AP2B1: variants seen among roughly 807,000 people sequenced by gnomAD.
AP2B1 encodes AP-2 complex subunit beta.
Under a neutral mutation model 102.0 loss-of-function variants are expected in AP2B1, and 23 were observed. That is an observed-to-expected ratio of 0.23 (90% CI 0.16 to 0.32). AP2B1 has a LOEUF of 0.32. AP2B1 is among the 10% of genes least tolerant of loss of function. AP2B1 has a pLI of 1.00. For missense variants in AP2B1, 541 were observed against 1,157.4 expected (o/e 0.47, Z 7.73); for synonymous variants, 381 against 421.2 (o/e 0.90, Z 1.17).
chr17:35,647,629 C>A (rs930112779), intron 12 of AP2B1, among the ~76,000 whole-genome samples: 4 of 151,996 alleles, frequency 2.6e-5, no homozygotes, highest in African/African-American at 9.7e-5. Context: ...TTGCAATGTT[C>A]TATATGCTTT....
intron 18 of AP2B1, among the ~76,000 whole-genome samples, chr17:35,708,657 CTG>C (rs1555585980): frequency 1.3e-5 from 2 of 151,982 alleles, no homozygotes; most frequent in Non-Finnish European, 1.5e-5. Context: ...AACTTTAAAA[CTG>C]ATATTTAAAA....
At chr17:35,606,129 G>A (rs1218347253) in intron 4 of AP2B1, among the ~76,000 whole-genome samples, 2 of 152,112 alleles carry the variant, frequency 1.3e-5, no homozygotes, top group Non-Finnish European at 1.5e-5. Flanking sequence ...ATCAGTAATT[G>A]GGGGCTTTAC....
chr17:35,703,028 T>A (rs984972564), intron 18 of AP2B1, among the ~76,000 whole-genome samples: 1 of 151,364 alleles, frequency 6.6e-6, no homozygotes, highest in Non-Finnish European at 1.5e-5. Context: ...ATCCCAGCAC[T>A]TTGGGAGGCC....
At chr17:35,670,020 A>G (rs1285467265) in intron 14 of AP2B1, among the ~76,000 whole-genome samples, 2 of 152,330 alleles carry the variant, frequency 1.3e-5, no homozygotes, top group Admixed American at 6.5e-5. Flanking sequence ...TGTTTTTGTC[A>G]AGGAAGACCG....
At chr17:35,708,259 C>A (rs1489500021) in intron 18 of AP2B1, among the ~76,000 whole-genome samples, 1 of 152,118 alleles carries the variant, frequency 6.6e-6, no homozygotes, top group Non-Finnish European at 1.5e-5. Flanking sequence ...GCGCTAAGAG[C>A]ATAGATAGGA....
At chr17:35,660,061 A>G (rs2075323189) in intron 14 of AP2B1, 1 of 985,218 alleles carries the variant, frequency 1.0e-6, no homozygotes, top group African/African-American at 1.7e-5. Flanking sequence ...CATTTTTTGA[A>G]TGCATCCTTG....
chr17:35,696,112 T>C (rs2076136910), intron 18 of AP2B1, among the ~76,000 whole-genome samples: 1 of 152,162 alleles, frequency 6.6e-6, no homozygotes, highest in African/African-American at 2.4e-5. Flanking sequence ...CCCTCCCTCC[T>C]TTCCTCATTA....
rs534898332 is a variant in AP2B1, at chr17:35,664,704, A to G, written c.1990-6153A>G. On this transcript the variant is annotated intron_variant, in intron 14 of 21. Transcript: ENST00000610402. ...AGGCTCTATTCTGTGTACTAGGCAT[A>G]TAGAATGGTCCTTGCAACCTTACGA... 3.9e-5 allele frequency among the ~76,000 whole-genome samples: 6 copies of G among 152,352 alleles called. No homozygotes were observed. In the East Asian group the frequency reaches 9.6e-4, roughly 24 times the overall value.
chr17:35,644,075 T>A (rs979797893), intron 12 of AP2B1, among the ~76,000 whole-genome samples: 2 of 152,166 alleles, frequency 1.3e-5, no homozygotes, highest in African/African-American at 4.8e-5. Flanking sequence ...GGCTAGAAAC[T>A]CACTTAATCC....
intron 17 of AP2B1, among the ~76,000 whole-genome samples, chr17:35,675,924 C>T (rs993386740): frequency 2.0e-5 from 3 of 152,120 alleles, no homozygotes; most frequent in African/African-American, 7.2e-5. Flanking sequence ...TTTACTTTGT[C>T]TGAACAGGGT....
intron 18 of AP2B1, among the ~76,000 whole-genome samples, chr17:35,701,239 G>A (rs2076233600): frequency 6.6e-6 from 1 of 152,078 alleles, no homozygotes; most frequent in South Asian, 2.1e-4. Flanking sequence ...GATGCACTGT[G>A]ATATTTTTCA....
chr17:35,682,334 CTT>C (rs587645888), intron 17 of AP2B1, among the ~76,000 whole-genome samples: 160 of 72,048 alleles, frequency 2.2e-3, no homozygotes, highest in African/African-American at 8.5e-3. Flanking sequence ...AATCCTGCCT[CTT>C]TTTTTTTTTT....
intron 17 of AP2B1, 136 bp downstream of exon 17, chr17:35,674,457 A>T: frequency 9.1e-7 from 1 of 1,095,762 alleles, no homozygotes; most frequent in South Asian, 1.7e-5. Flanking sequence ...TAATCCCAGC[A>T]TTTGGGAGGC....
chr17:35,622,095 CTT>C lies in AP2B1; in HGVS notation c.526-2300_526-2299del, dbSNP rs1319393298. Among the ~76,000 whole-genome samples, 4 of 152,290 alleles carry C rather than the reference CTT, an allele frequency of 2.6e-5. No individual in the cohort carries two copies. The East Asian group carries it at 7.7e-4, about 29-fold the overall frequency. ...ACATGGAAGGGATTATTATTTCTCT[CTT>C]TATGGCTTTTCTCATGCTTGATGAT... is the stretch of plus-strand genomic sequence containing the variant. On this transcript the variant is annotated intron_variant, in intron 5 of 21. Coordinates refer to ENST00000610402, the MANE Select transcript of AP2B1 (RefSeq NM_001030006.2).
chr17:35,694,427 A>T (rs12942321), intron 18 of AP2B1, among the ~76,000 whole-genome samples: 3,950 of 114,378 alleles, frequency 0.035, 300 homozygotes, highest in African/African-American at 0.1. Context: ...TTTTTTTTTA[A>T]TTTTTTAATT....
At chr17:35,693,953 A>G (rs1481962630) in intron 18 of AP2B1, among the ~76,000 whole-genome samples, 2 of 152,228 alleles carry the variant, frequency 1.3e-5, no homozygotes, top group Non-Finnish European at 2.9e-5. Context: ...GAACATAGGC[A>G]TAACAGTGAA....
At chr17:35,627,817 AATAAT>A in intron 9 of AP2B1, 91 bp downstream of exon 9, 1 of 1,077,448 alleles carries the variant, frequency 9.3e-7, no homozygotes, top group Non-Finnish European at 1.3e-6. Context: ...AGTTTATCAA[AATAAT>A]AAAGCACACA....
chr17:35,601,776 C>CT (rs2073493694), intron 3 of AP2B1, among the ~76,000 whole-genome samples: 1 of 149,044 alleles, frequency 6.7e-6, no homozygotes, highest in Non-Finnish European at 1.5e-5. Flanking sequence ...ATTGTCATAA[C>CT]TCTTTTTTTT....
chr17:35,639,391 G>A (rs12936693), intron 10 of AP2B1, among the ~76,000 whole-genome samples: 11,118 of 152,138 alleles, frequency 0.073, 468 homozygotes, highest in Middle Eastern at 0.11. Context: ...AGGTTTTAAG[G>A]TCTAGGTCTT....
Sources: allele counts gnomAD v4.1 joint callset (sites outside exome capture counted in the v4.1 genomes callset), GRCh38; gene constraint gnomAD v4.1.1; transcripts MANE v1.5; gene names NCBI Gene and HGNC (gene_info 2026-07-23, HGNC 2026-07-21).